Variants in B3GALT1 observed in about 807,000 individuals in gnomAD.
B3GALT1 encodes the protein UDP-Gal:betaGlcNAc beta 1,3-galactosyltransferase, polypeptide 1.
In B3GALT1, 10 loss-of-function variants were observed where a neutral mutation model predicts 23.2. The ratio of observed to expected loss-of-function variants is 0.43; its 90% confidence interval spans 0.27 to 0.73. The LOEUF (loss-of-function observed/expected upper bound fraction) is 0.73. B3GALT1 is among the 30% of genes least tolerant of loss of function. The pLI, the probability that B3GALT1 is intolerant of heterozygous loss-of-function variation, is 0.21. For missense variants in B3GALT1, 299 were observed against 405.4 expected (o/e 0.74, Z 2.25); for synonymous variants, 156 against 141.5 (o/e 1.10, Z -0.73).
At chr2:167,452,666 C>T (rs1699108181) in intron 1 of B3GALT1, among the ~76,000 whole-genome samples, 2 of 152,194 alleles carry the variant, frequency 1.3e-5, no homozygotes, top group African/African-American at 2.4e-5. Flanking sequence ...TGAGTCTCCA[C>T]ACATTGCTCT....
chr2:167,793,695 C>T (rs1260415061), intron 3 of B3GALT1, among the ~76,000 whole-genome samples: 1 of 152,166 alleles, frequency 6.6e-6, no homozygotes, highest in Non-Finnish European at 1.5e-5. Context: ...CAGACATCTT[C>T]AATCATTTTT....
At chr2:167,720,747 A>C (rs543515522) in intron 3 of B3GALT1, among the ~76,000 whole-genome samples, 1 of 152,312 alleles carries the variant, frequency 6.6e-6, no homozygotes, top group Admixed American at 6.5e-5. Flanking sequence ...TCCAAGAGAA[A>C]ATACCCCTGC....
chr2:167,674,985 A>G (rs1686397910), intron 3 of B3GALT1, among the ~76,000 whole-genome samples: 1 of 152,172 alleles, frequency 6.6e-6, no homozygotes, highest in Admixed American at 6.5e-5. Flanking sequence ...ATGGGACCTG[A>G]CCCTGGAAGT....
At chr2:167,371,561 G>C (rs1697687251) in intron 1 of B3GALT1, among the ~76,000 whole-genome samples, 1 of 152,038 alleles carries the variant, frequency 6.6e-6, no homozygotes, top group African/African-American at 2.4e-5. Context: ...TTCAAACTTT[G>C]GGTAAAACAT....
chr2:167,659,217 A>C (rs1186788712), intron 3 of B3GALT1, among the ~76,000 whole-genome samples: 1 of 150,750 alleles, frequency 6.6e-6, no homozygotes, highest in Non-Finnish European at 1.5e-5. Flanking sequence ...TTAGAAAAGC[A>C]TCTTGAGCTA....
intron 2 of B3GALT1, among the ~76,000 whole-genome samples, chr2:167,497,159 A>G (rs184976160): frequency 3.5e-4 from 53 of 152,356 alleles, no homozygotes; most frequent in Admixed American, 5.2e-4. Context: ...AATATCTAAT[A>G]AAGAGAATTA....
At chr2:167,301,255 T>A (rs1238768354) in intron 1 of B3GALT1, among the ~76,000 whole-genome samples, 1 of 152,048 alleles carries the variant, frequency 6.6e-6, no homozygotes, top group African/African-American at 2.4e-5. Context: ...AGGAATAAGA[T>A]CCACAACAAA....
At chr2:167,562,649 CTTTTT>C (rs60455696) in intron 2 of B3GALT1, among the ~76,000 whole-genome samples, 1 of 138,896 alleles carries the variant, frequency 7.2e-6, no homozygotes, top group Non-Finnish European at 1.6e-5. Context: ...CACAAGCATT[CTTTTT>C]TTTTTTTTTT....
At chr2:167,455,760 G>C (rs892690950) in intron 1 of B3GALT1, among the ~76,000 whole-genome samples, 1 of 152,142 alleles carries the variant, frequency 6.6e-6, no homozygotes, top group Non-Finnish European at 1.5e-5. Flanking sequence ...CTATCCGCCT[G>C]CCTAAGCCTC....
intron 3 of B3GALT1, among the ~76,000 whole-genome samples, chr2:167,705,177 C>T (rs1686950250): frequency 6.6e-6 from 1 of 152,186 alleles, no homozygotes; most frequent in Non-Finnish European, 1.5e-5. Context: ...TGTACTCAGC[C>T]TAGATGAGCT....
At chr2:167,683,768 T>C (rs1362995718) in intron 3 of B3GALT1, among the ~76,000 whole-genome samples, 1 of 151,684 alleles carries the variant, frequency 6.6e-6, no homozygotes, top group African/African-American at 2.4e-5. Flanking sequence ...CACACACACA[T>C]CAAAGACAAT....
At chr2:167,581,605 T>C (rs1684484337) in intron 2 of B3GALT1, among the ~76,000 whole-genome samples, 1 of 152,224 alleles carries the variant, frequency 6.6e-6, no homozygotes, top group African/African-American at 2.4e-5. Context: ...ATTCCAGCTC[T>C]GACAAGCCTC....
At chr2:167,553,330 G>A (rs1353650628) in intron 2 of B3GALT1, among the ~76,000 whole-genome samples, 2 of 152,104 alleles carry the variant, frequency 1.3e-5, no homozygotes, top group Admixed American at 1.3e-4. Context: ...TAAAACTTGG[G>A]TTAATAAAAT....
At chr2:167,822,559 A>G (rs1335317336) in intron 4 of B3GALT1, among the ~76,000 whole-genome samples, 1 of 152,172 alleles carries the variant, frequency 6.6e-6, no homozygotes, top group African/African-American at 2.4e-5. Flanking sequence ...AGACAAAGAG[A>G]TTATTAAAAT....
chr2:167,413,518 T>TA (rs1322743448), intron 1 of B3GALT1, among the ~76,000 whole-genome samples: 1 of 152,062 alleles, frequency 6.6e-6, no homozygotes, highest in Non-Finnish European at 1.5e-5. Flanking sequence ...TTTTGTCAGT[T>TA]AATCCTATAT....
At chr2:167,522,335 C>T (rs1347478332) in intron 2 of B3GALT1, among the ~76,000 whole-genome samples, 1 of 152,090 alleles carries the variant, frequency 6.6e-6, no homozygotes, top group Non-Finnish European at 1.5e-5. Context: ...GGGTTTGCCT[C>T]TTCTTCTCCC....
At chr2:167,864,384 G>A (rs1455479279) in intron 4 of B3GALT1, among the ~76,000 whole-genome samples, 3 of 152,002 alleles carry the variant, frequency 2.0e-5, no homozygotes, top group Non-Finnish European at 4.4e-5. Flanking sequence ...GTGAGACCTT[G>A]TCTCTACTAA....
At chr2:167,813,336 A>C (rs1688929031) in intron 3 of B3GALT1, among the ~76,000 whole-genome samples, 1 of 152,182 alleles carries the variant, frequency 6.6e-6, no homozygotes, top group Non-Finnish European at 1.5e-5. Context: ...TATTTGTTGG[A>C]GTCCTCACTT....
intron 1 of B3GALT1, among the ~76,000 whole-genome samples, chr2:167,396,274 CTTAAGT>C (rs1196098625): frequency 6.6e-6 from 1 of 151,986 alleles, no homozygotes; most frequent in Non-Finnish European, 1.5e-5. Flanking sequence ...GTTTTTTCAT[CTTAAGT>C]TTATCATGCT....
Sources: allele counts gnomAD v4.1 joint callset (sites outside exome capture counted in the v4.1 genomes callset), GRCh38; gene constraint gnomAD v4.1.1; transcripts MANE v1.5; gene names NCBI Gene and HGNC (gene_info 2026-07-23, HGNC 2026-07-21).